Variants in WDFY4 observed in about 807,000 individuals in gnomAD.
WDFY4 encodes WD repeat- and FYVE domain-containing protein 4.
WDFY4 carries 169 observed loss-of-function variants against 351.9 expected under a neutral mutation model. The observed-to-expected ratio is 0.48, with a 90% CI of 0.42 to 0.55. WDFY4 has a LOEUF of 0.55. Ranked by LOEUF, WDFY4 falls within the 20% of genes least tolerant of loss-of-function variation. The pLI is 0.00. For synonymous variants in WDFY4, 1,622 were observed against 1,574.6 expected (o/e 1.03, Z -0.71); for missense variants, 3,803 against 3,935.6 (o/e 0.97, Z 0.90).
chr10:48,948,938 C>T (rs1006362750), intron 51 of WDFY4, among the ~76,000 whole-genome samples: 5 of 152,240 alleles, frequency 3.3e-5, no homozygotes, highest in African/African-American at 7.2e-5. Context: ...TGTGAACCAA[C>T]GGGATATCTG....
At chr10:48,733,882 A>G (rs2064554443) in intron 9 of WDFY4, 49 bp from the exon 10 acceptor site, 5 of 1,517,434 alleles carry the variant, frequency 3.3e-6, no homozygotes, top group Non-Finnish European at 4.5e-6. Context: ...ATTTGCGGTC[A>G]TACCACATGT....
chr10:48,812,752 T>G (rs946475154), intron 30 of WDFY4, among the ~76,000 whole-genome samples: 1 of 152,178 alleles, frequency 6.6e-6, no homozygotes, highest in Non-Finnish European at 1.5e-5. Flanking sequence ...TCAGACTCCA[T>G]AGCTGGCACC....
Position 48,863,070 on chromosome 10 carries a change from A to AC in WDFY4, c.6664-4194dup, listed in dbSNP as rs543842034. The stretch of plus-strand genomic sequence containing the variant: ...GACTAAATAATATGCCATCATATAG[A>AC]CAGACCATATTTTGTTTATTTGTTC... On this transcript the variant is annotated intron_variant, in intron 39 of 61. Transcript: ENST00000325239. Among the ~76,000 whole-genome samples the AC allele has an allele frequency of 2.6e-3, 391 of 152,298 alleles. 1 individual carries two copies. The highest frequency in any genetic ancestry group is 9.1e-3 in the Admixed American group (139 of 15,296).
rs1840883647 is a variant in WDFY4 at position 48,943,439 on chromosome 10, A to G, written c.7739A>G (p.Tyr2580Cys). Residue 2580 changes from tyrosine to cysteine, a missense_variant, in exon 49 of 62, where the codon TAC becomes TGC. Physicochemically the swap from Tyr to Cys is radical, Grantham distance 194. This residue lies in a region of WDFY4 where 3,054 missense variants were observed against 3,148.6 expected (regional missense o/e 0.97). Transcript: ENST00000325239. ...GTGTTCCCCTGGGTCCTCGCAGACT[A>G]CACCTCAGAGGTAAGTTCCTCACGT... ...YPVFPWVLAD[Y>C]TSETLNLANP... The G allele has an allele frequency of 6.4e-7, 1 of 1,551,836 alleles. No individual in the cohort carries two copies. Among genetic ancestry groups the G allele is most frequent in the Non-Finnish European group, 8.7e-7 (1 of 1,146,968 alleles).
chr10:48,943,234 A>G, intron 48 of WDFY4, 96 bp from the exon 49 acceptor site: 2 of 1,440,012 alleles, frequency 1.4e-6, no homozygotes, highest in South Asian at 2.8e-5. Flanking sequence ...TCACCCACAG[A>G]GCCAGGGCCT....
intron 45 of WDFY4, among the ~76,000 whole-genome samples, chr10:48,898,777 G>A (rs1837214930): frequency 6.6e-6 from 1 of 152,186 alleles, no homozygotes; most frequent in Non-Finnish European, 1.5e-5. Context: ...GGCCTTTGCA[G>A]GGTGAAGGAG....
chr10:48,946,511 C>A (rs1048365369), intron 50 of WDFY4, among the ~76,000 whole-genome samples: 1 of 152,216 alleles, frequency 6.6e-6, no homozygotes, highest in Admixed American at 6.5e-5. Context: ...CAGGGGCAGG[C>A]CAGCCTGTGT....
At chr10:48,826,962 G>A (rs1378235490) in intron 36 of WDFY4, 53 bp downstream of exon 36, 2 of 1,438,774 alleles carry the variant, frequency 1.4e-6, no homozygotes, top group African/African-American at 1.4e-5. Flanking sequence ...GCAGAAAGGA[G>A]AGATTTAGAG....
chr10:48,981,429 G>A lies in WDFY4; in HGVS notation c.9439G>A (p.Gly3147Arg). 1 of 1,551,750 alleles carries A rather than the reference G, an allele frequency of 6.4e-7. No individual in the cohort carries two copies. Among genetic ancestry groups the A allele is most frequent in the Non-Finnish European group, 8.7e-7 (1 of 1,147,008 alleles). ...GCTGGACGTTAGCATTGCTTTGACA[G>A]GGAAGCCCAGCAAAACCAGCCCCGC... Reference protein sequence around the residue: ...RELDVSIALTGKPSKTSPAVT... With the variant: ...RELDVSIALTRKPSKTSPAVT... The change falls in exon 61 of 62, where the codon GGG (glycine) becomes AGG (arginine). Residue 3147 changes from glycine (G) to arginine (R), a missense_variant. Around this residue, in one of 3 missense-constraint regions of WDFY4, gnomAD observed 3,054 missense variants for 3,148.6 expected, o/e 0.97. Coordinates refer to ENST00000325239, the MANE Select transcript of WDFY4 (RefSeq NM_001394531.1).
chr10:48,796,553 T>C lies in WDFY4; in HGVS notation c.4410+103T>C, dbSNP rs145216917. The C allele has an allele frequency of 2.3e-4, 325 of 1,427,998 alleles. 7 individuals carry two copies. In the East Asian group the frequency reaches 8.0e-3, roughly 35 times the overall value. 88.5% of individuals were successfully genotyped at this position (1,427,998 alleles called of 1,614,324 possible). A position where few individuals can be genotyped will look rare whatever the true frequency, so the allele number is the denominator to read the frequency against. ...CCTAGCATGTCAGCTTCCCTCATAG[T>C]CATGATGGTAGGGAGAGGGAAAACC... On this transcript the variant is annotated intron_variant, in intron 24 of 61. Coordinates refer to ENST00000325239, the MANE Select transcript of WDFY4 (RefSeq NM_001394531.1).
rs1424569095 is a variant in WDFY4, at chr10:48,778,848, C to T, written c.3397+16C>T. 6.5e-7 allele frequency: 1 copy of T among 1,547,274 alleles called. No individual in the cohort carries two copies. ...CAGCCTCTGGGTAAGGTGCTGGGAT[C>T]CAAAGCCAGTTTCATCCACATGTGG... On this transcript the variant is annotated intron_variant, in intron 18 of 61. Coordinates refer to ENST00000325239, the MANE Select transcript of WDFY4 (RefSeq NM_001394531.1).
At chr10:48,919,361 C>T (rs762382152) in intron 47 of WDFY4, among the ~76,000 whole-genome samples, 6 of 152,054 alleles carry the variant, frequency 3.9e-5, no homozygotes, top group African/African-American at 1.2e-4. Context: ...CCAAATAGAC[C>T]TGTATTTATT....
intron 12 of WDFY4, among the ~76,000 whole-genome samples, chr10:48,758,696 C>T (rs2065407539): frequency 6.6e-6 from 1 of 152,120 alleles, no homozygotes; most frequent in Non-Finnish European, 1.5e-5. Flanking sequence ...TCCTATTGTT[C>T]TCATTTAGTG....
At chr10:48,980,698 T>C (rs1340655943) in intron 60 of WDFY4, among the ~76,000 whole-genome samples, 2 of 152,176 alleles carry the variant, frequency 1.3e-5, no homozygotes, top group Non-Finnish European at 2.9e-5. Flanking sequence ...ATGGCCTGTC[T>C]GCACACATGG....
chr10:48,772,632 G>A (rs1360321528), intron 13 of WDFY4, among the ~76,000 whole-genome samples: 2 of 144,672 alleles, frequency 1.4e-5, no homozygotes, highest in Non-Finnish European at 3.0e-5. Context: ...TGCCATGCTG[G>A]TGCGCTGCAC....
At chr10:48,878,974 G>T (rs973777718) in intron 43 of WDFY4, among the ~76,000 whole-genome samples, 2 of 152,140 alleles carry the variant, frequency 1.3e-5, no homozygotes, top group Admixed American at 1.3e-4. Context: ...TTTGATAAAT[G>T]GATATTAAAA....
intron 32 of WDFY4, 43 bp from the exon 33 acceptor site, chr10:48,820,191 A>G: frequency 6.5e-7 from 1 of 1,546,178 alleles, no homozygotes; most frequent in Non-Finnish European, 8.8e-7. Context: ...AAAGAGCTTG[A>G]GGCAGGGCAG....
chr10:48,843,846 T>C (rs2068686535), intron 39 of WDFY4, among the ~76,000 whole-genome samples: 1 of 152,214 alleles, frequency 6.6e-6, no homozygotes, highest in Admixed American at 6.5e-5. Context: ...AAATTATGAG[T>C]TATGAGGAAA....
Position 48,877,124 on chromosome 10 carries a change from T to C in WDFY4, c.7092T>C (p.Ser2364=), listed in dbSNP as rs1158864949. The C allele has an allele frequency of 6.4e-7, 1 of 1,550,762 alleles. No individual in the cohort carries two copies. The highest frequency in any genetic ancestry group is 2.0e-5 in the Admixed American group (1 of 50,836). The part of the protein sequence containing the change: ...QLTFFPALHE[S]LHSEDFLELC... ...CCTTCTTCCCAGCCTTACACGAAAG[T>C]CTGCACTCAGAAGACTTCTTGGAAC... The change falls in exon 43 of 62, where the codon AGT becomes AGC. Residue 2364 remains serine (S), a synonymous_variant. Coordinates refer to ENST00000325239, the MANE Select transcript of WDFY4 (RefSeq NM_001394531.1).
Sources: allele counts gnomAD v4.1 joint callset (sites outside exome capture counted in the v4.1 genomes callset), GRCh38; gene constraint gnomAD v4.1.1; regional missense constraint gnomAD v4.1.1; transcripts MANE v1.5; gene names NCBI Gene and HGNC (gene_info 2026-07-23, HGNC 2026-07-21).